CEP128: variants seen among roughly 807,000 people sequenced by gnomAD.
CEP128 encodes the protein centrosomal protein 128.
Under a neutral mutation model 156.7 loss-of-function variants are expected in CEP128, and 132 were observed. The ratio of observed to expected loss-of-function variants is 0.84; its 90% CI spans 0.73 to 0.97. The LOEUF (loss-of-function observed/expected upper bound fraction) is 0.97, where lower values mean the gene tolerates loss of function less well. Among genes scored for constraint, CEP128 ranks in the 50% least tolerant of loss-of-function variants. The pLI is 0.00. For synonymous variants in CEP128, 469 were observed against 448.9 expected (o/e 1.04, Z -0.57); for missense variants, 1,252 against 1,281.9 (o/e 0.98, Z 0.36).
chr14:80,781,220 G>A (rs1901088695), intron 15 of CEP128, among the ~76,000 whole-genome samples: 1 of 152,182 alleles, frequency 6.6e-6, no homozygotes, highest in South Asian at 2.1e-4. Flanking sequence ...CACTTTGGGA[G>A]GCCAAGGTGG....
chr14:80,638,399 T>C (rs1894276850), intron 19 of CEP128, among the ~76,000 whole-genome samples: 1 of 152,172 alleles, frequency 6.6e-6, no homozygotes. Context: ...GTGTTTAATT[T>C]TTCCTGGTGT....
intron 13 of CEP128, among the ~76,000 whole-genome samples, chr14:80,808,474 C>T (rs527244720): frequency 3.7e-4 from 57 of 152,284 alleles, no homozygotes; most frequent in Middle Eastern, 6.8e-3. Flanking sequence ...AGGGTCATCT[C>T]ACCACTGCTA....
At chr14:80,750,199 T>C (rs982747197) in intron 18 of CEP128, among the ~76,000 whole-genome samples, 2 of 152,202 alleles carry the variant, frequency 1.3e-5, no homozygotes, top group Non-Finnish European at 2.9e-5. Flanking sequence ...GAAATGTATA[T>C]GTTACTCTTA....
intron 21 of CEP128, among the ~76,000 whole-genome samples, chr14:80,551,659 A>G (rs1175658710): frequency 6.6e-6 from 1 of 152,230 alleles, no homozygotes; most frequent in Non-Finnish European, 1.5e-5. Context: ...GCTGCCTTTA[A>G]TGATTTCTTA....
chr14:80,683,887 C>A (rs1279455457), intron 19 of CEP128, among the ~76,000 whole-genome samples: 7 of 151,788 alleles, frequency 4.6e-5, no homozygotes, highest in Admixed American at 3.9e-4. Flanking sequence ...AAACAAAATT[C>A]TTTGAAATAA....
chr14:80,526,987 A>G lies in CEP128; in HGVS notation c.2959-5T>C, dbSNP rs375253952. ...CTCAGATGAACTGCAGGAATCCTGG[A>G]AAAAAAAAAAAGCAAAGGGTCTGAA... On this transcript the variant is annotated splice_region_variant and splice_polypyrimidine_tract_variant and intron_variant, in intron 22 of 24. Transcript: ENST00000555265. 8.3e-4 allele frequency: 876 copies of G among 1,053,632 alleles called. 4 individuals carry two copies. In the African/African-American group the frequency reaches 0.026, roughly 32 times the overall value. The allele number at this position is 1,053,632 out of a possible 1,614,324, so 65.3% of individuals were successfully genotyped here. A position where few individuals can be genotyped will look rare whatever the true frequency, so the allele number is the denominator to read the frequency against.
chr14:80,688,481 A>G (rs1896601221), intron 19 of CEP128, among the ~76,000 whole-genome samples: 1 of 152,218 alleles, frequency 6.6e-6, no homozygotes, highest in Admixed American at 6.5e-5. Context: ...CTTTATTCTG[A>G]CTTATTAAAT....
At chr14:80,656,054 C>T (rs1895119739) in intron 19 of CEP128, among the ~76,000 whole-genome samples, 1 of 151,468 alleles carries the variant, frequency 6.6e-6, no homozygotes, top group Admixed American at 6.6e-5. Flanking sequence ...CATATTGTTG[C>T]TCCTCCACTC....
chr14:80,788,624 C>T (rs1901545839), intron 14 of CEP128, among the ~76,000 whole-genome samples: 1 of 152,060 alleles, frequency 6.6e-6, no homozygotes, highest in Non-Finnish European at 1.5e-5. Flanking sequence ...TTCACAGCAT[C>T]AATGCCCCTA....
intron 19 of CEP128, among the ~76,000 whole-genome samples, chr14:80,645,636 T>C (rs565283375): frequency 7.2e-5 from 11 of 152,180 alleles, no homozygotes; most frequent in Middle Eastern, 3.4e-3. Flanking sequence ...CAAGGTGATA[T>C]AGGCATTTTG....
At chr14:80,785,602 C>A in intron 14 of CEP128, 57 bp from the exon 15 acceptor site, 1 of 1,260,894 alleles carries the variant, frequency 7.9e-7, no homozygotes, top group Non-Finnish European at 1.1e-6. Context: ...GTAAAATTCA[C>A]CATAGACTCT....
At chr14:80,761,414 G>A in intron 17 of CEP128, 23 bp downstream of exon 17, 2 of 1,516,964 alleles carry the variant, frequency 1.3e-6, no homozygotes, top group South Asian at 2.5e-5. Context: ...AAAATATAAG[G>A]TGCAATGAGA....
chr14:80,771,880 T>C (rs1226241060), intron 16 of CEP128, among the ~76,000 whole-genome samples: 1 of 152,244 alleles, frequency 6.6e-6, no homozygotes, highest in Non-Finnish European at 1.5e-5. Flanking sequence ...CCCTGAGTCC[T>C]ATTTCCATTT....
chr14:80,796,145 A>T (rs1294657677), intron 13 of CEP128, among the ~76,000 whole-genome samples: 1 of 152,162 alleles, frequency 6.6e-6, no homozygotes, highest in African/African-American at 2.4e-5. Context: ...TCATACTATG[A>T]AAACAGCTCT....
Position 80,630,910 on chromosome 14 carries a change from A to G in CEP128, c.2807-50487T>C, listed in dbSNP as rs74066021. Reference sequence around the variant, plus strand: ...ACAAACGCTGTCAAAATAATTGTCCATAACATGTTTTATTTGGGCTTCTGT... The same window carrying G: ...ACAAACGCTGTCAAAATAATTGTCCGTAACATGTTTTATTTGGGCTTCTGT... On this transcript the variant is annotated intron_variant, in intron 19 of 24. Transcript: ENST00000555265. Among the ~76,000 whole-genome samples the G allele has an allele frequency of 7.8e-3, 1,181 of 152,166 alleles. 25 individuals are homozygous for G. The highest frequency in any genetic ancestry group is 0.027 in the African/African-American group (1,119 of 41,570).
At chr14:80,651,471 T>A (rs1327546382) in intron 19 of CEP128, among the ~76,000 whole-genome samples, 1 of 152,152 alleles carries the variant, frequency 6.6e-6, no homozygotes, top group African/African-American at 2.4e-5. Context: ...TTTGAATTTG[T>A]TTGCTCTTGT....
At chr14:80,631,844 C>T (rs1893971955) in intron 19 of CEP128, among the ~76,000 whole-genome samples, 1 of 152,032 alleles carries the variant, frequency 6.6e-6, no homozygotes, top group South Asian at 2.1e-4. Flanking sequence ...ATATTAAGGA[C>T]AATTCTTAAG....
intron 23 of CEP128, among the ~76,000 whole-genome samples, chr14:80,508,358 C>T (rs909780746): frequency 2.0e-5 from 3 of 152,094 alleles, no homozygotes; most frequent in African/African-American, 7.2e-5. Flanking sequence ...AAAATAAAAA[C>T]TTATTAGCAT....
At chr14:80,522,952 C>A (rs1399075511) in intron 23 of CEP128, among the ~76,000 whole-genome samples, 5 of 152,234 alleles carry the variant, frequency 3.3e-5, no homozygotes, top group Non-Finnish European at 1.5e-5. Context: ...ATTATGCTCT[C>A]ACAATTGTGG....
Sources: allele counts gnomAD v4.1 joint callset (sites outside exome capture counted in the v4.1 genomes callset), GRCh38; gene constraint gnomAD v4.1.1; transcripts MANE v1.5; gene names NCBI Gene and HGNC (gene_info 2026-07-23, HGNC 2026-07-21).